ARMC5: variants seen among roughly 807,000 people sequenced by gnomAD.
The protein encoded by ARMC5 is armadillo repeat containing 5.
Under a neutral mutation model 60.5 loss-of-function variants are expected in ARMC5, and 28 were observed. The ratio of observed to expected loss-of-function variants is 0.46; its 90% CI spans 0.34 to 0.63. ARMC5 has a LOEUF of 0.63. Among genes scored for constraint, ARMC5 ranks in the 30% least tolerant of loss-of-function variants. The pLI is 0.01. For synonymous variants in ARMC5, 680 were observed against 607.3 expected, an observed-to-expected ratio of 1.12 and a Z score of -1.76; for missense variants, 1,189 against 1,304.9, an observed-to-expected ratio of 0.91 and a Z score of 1.37.
At chr16:31,460,075 G>A (rs978336112) in intron 1 of ARMC5, 76 bp downstream of exon 1, 4 of 1,468,856 alleles carry the variant, frequency 2.7e-6, no homozygotes, top group South Asian at 2.4e-5. Context: ...GCAGTCTGGA[G>A]TTCTTTGTGT....
intron 3 of ARMC5, among the ~76,000 whole-genome samples, chr16:31,463,392 C>G (rs2082322060): frequency 6.6e-6 from 1 of 152,212 alleles, no homozygotes; most frequent in African/African-American, 2.4e-5. Context: ...AGCCACTGCA[C>G]TGGCTGGATC....
upstream of ARMC5, chr16:31,458,734 C>T (rs2082268904): frequency 6.8e-7 from 1 of 1,474,774 alleles, no homozygotes; most frequent in African/African-American, 1.4e-5. Flanking sequence ...CAGGGGTGAC[C>T]TGGGGGCTCC....
At chr16:31,461,164 A>G (rs1475555850) in intron 1 of ARMC5, among the ~76,000 whole-genome samples, 2 of 152,148 alleles carry the variant, frequency 1.3e-5, no homozygotes, top group Non-Finnish European at 2.9e-5. Context: ...TGATGCCAGT[A>G]GCTGGGTTGG....
At position 31,462,774 on chromosome 16, in the gene ARMC5, T is replaced by C. The variant is rs955713891; in HGVS notation, c.1227T>C (p.Ala409=). The C allele has an allele frequency of 3.7e-6, 6 of 1,613,854 alleles. No individual in the cohort carries two copies. The African/African-American group carries it at 8.0e-5, about 22-fold the overall frequency. The change falls in exon 3 of 6, where the codon GCT becomes GCC. Residue 409 remains alanine, a synonymous_variant. Coordinates refer to ENST00000268314, the MANE Select transcript of ARMC5 (RefSeq NM_001105247.2). This position sits in a 1 kb window ranked among gnomAD's most constrained non-coding sequence, Gnocchi z 7.2. ...YDTGALGRLQ[A]LGLVPLLAGQ... ...CTGGGGCCCTGGGCCGGCTGCAGGC[T>C]CTGGGACTTGTGCCTCTCCTGGCTG...
Position 31,464,690 on chromosome 16 carries a change from C to T in ARMC5, c.1667C>T (p.Thr556Ile), listed in dbSNP as rs748604043. The part of the protein sequence containing the change: ...PALYGLLTYV[T>I]GAPGPPSPRA... Reference sequence around the variant, plus strand: ...CTGTACGGCCTGCTGACCTATGTGACCGGCGCACCGGGCCCGCCCAGCCCA... The same window carrying T: ...CTGTACGGCCTGCTGACCTATGTGATCGGCGCACCGGGCCCGCCCAGCCCA... The change falls in exon 4 of 6, where the codon ACC becomes ATC. Residue 556 changes from threonine (T) to isoleucine (I), a missense_variant. Coordinates refer to ENST00000268314, the MANE Select transcript of ARMC5 (RefSeq NM_001105247.2). The surrounding 1 kb of genome is among the most constrained non-coding windows in gnomAD (Gnocchi z 7.6). The T allele has an allele frequency of 2.5e-6, 4 of 1,598,580 alleles. No homozygotes were observed. The highest frequency in any genetic ancestry group is 3.4e-6 in the Non-Finnish European group (4 of 1,179,056).
chr16:31,459,942 T>C lies in ARMC5; in HGVS notation c.418T>C (p.Cys140Arg). The change falls in exon 1 of 6, where the codon TGT becomes CGT. Residue 140 changes from cysteine to arginine, a missense_variant. Cys to Arg is a radical substitution (Grantham distance 180). Around this residue, in one of 2 missense-constraint regions of ARMC5, gnomAD observed 327 missense variants for 233.7 expected, o/e 1.40. Coordinates refer to ENST00000268314, the MANE Select transcript of ARMC5 (RefSeq NM_001105247.2). The stretch of plus-strand genomic sequence containing the variant: ...GGCGCTCAGCATCCTAGCCGATTGC[T>C]GTACGGAAGGGGCGTGCCGGACCGA... The part of the protein sequence containing the change: ...DLALSILADC[C>R]TEGACRTEVR... 1 of 1,604,432 alleles carries C rather than the reference T, an allele frequency of 6.2e-7. No individual in the cohort carries two copies. Among genetic ancestry groups the C allele is most frequent in the Non-Finnish European group, 8.5e-7 (1 of 1,179,580 alleles).
chr16:31,462,250 C>G lies in ARMC5; in HGVS notation c.703C>G (p.Gln235Glu). ...ACCCCAGCACCGCCTGGCCTTGGCA[C>G]AGCAGGGAGCAGTGCGTCCGCTGGC... ...DSPQHRLALA[Q>E]QGAVRPLAEL... The change falls in exon 3 of 6, where the codon CAG (glutamine) becomes GAG (glutamate). Residue 235 changes from glutamine to glutamate, a missense_variant. Around this residue, in one of 2 missense-constraint regions of ARMC5, gnomAD observed 862 missense variants for 1,071.2 expected, o/e 0.80. Coordinates refer to ENST00000268314, the MANE Select transcript of ARMC5 (RefSeq NM_001105247.2). This position sits in a 1 kb window ranked among gnomAD's most constrained non-coding sequence, Gnocchi z 7.2. 6.2e-7 allele frequency: 1 copy of G among 1,609,966 alleles called. No individual in the cohort carries two copies. Among genetic ancestry groups the G allele is most frequent in the East Asian group, 2.2e-5 (1 of 44,876 alleles).
rs537788230 is a variant in ARMC5 at position 31,464,292 on chromosome 16, T to TAA, written c.1371-79_1371-78dup. On this transcript the variant is annotated intron_variant, in intron 3 of 5. Transcript: ENST00000268314. This position sits in a 1 kb window ranked among gnomAD's most constrained non-coding sequence, Gnocchi z 7.6. Reference sequence around the variant, plus strand: ...GCTATAGAGGGATACCACATTTCTTTAAAAAAAAAAAAAAAAAAAAAAAAG... The same window carrying TAA: ...GCTATAGAGGGATACCACATTTCTTTAAAAAAAAAAAAAAAAAAAAAAAAAAG... The TAA allele has an allele frequency of 2.0e-3, 1,013 of 498,660 alleles. No homozygotes were observed. Among genetic ancestry groups the TAA allele is most frequent in the South Asian group, 8.5e-3 (167 of 19,744 alleles). The allele number at this position is 498,660 out of a possible 1,614,324, so 30.9% of individuals were successfully genotyped here.
chr16:31,464,872 C>CG lies in ARMC5; in HGVS notation c.1851dup (p.His618AlafsTer17). ...ACGTGCCCGGCCCACTCTCCACAGC[C>CG]GGCACCGAGAGCTGGGTGAGTTCCC... On this transcript the variant is annotated frameshift_variant, in exon 4 of 6. Transcript: ENST00000268314. LOFTEE classifies it high-confidence loss of function. The surrounding 1 kb of genome is among the most constrained non-coding windows in gnomAD (Gnocchi z 7.6). 6.2e-7 allele frequency: 1 copy of CG among 1,601,886 alleles called. No individual in the cohort carries two copies. The highest frequency in any genetic ancestry group is 1.3e-5 in the African/African-American group (1 of 75,014).
In ARMC5 at chr16:31,464,172, G is replaced by A. The variant is rs2082328579; in HGVS notation, c.1371-222G>A. ...TGAGTGTGGTGCACACAGCTGTAGT[G>A]CCAGCTACTTGGGAGGCTGAGGTGG... On this transcript the variant is annotated intron_variant, in intron 3 of 5. Transcript: ENST00000268314. This position sits in a 1 kb window ranked among gnomAD's most constrained non-coding sequence, Gnocchi z 7.6. 6.6e-6 allele frequency among the ~76,000 whole-genome samples: 1 copy of A among 151,770 alleles called. No individual in the cohort carries two copies. The highest frequency in any genetic ancestry group is 2.1e-4 in the South Asian group (1 of 4,824).
Position 31,459,974 on chromosome 16 carries a change from C to T in ARMC5, c.450C>T (p.Arg150=). ...AAGGGGCGTGCCGGACCGAAGTGCGCAGACTCGGAGGCATACTCCCTTTGG... is the reference window on the plus strand; with the variant it reads ...AAGGGGCGTGCCGGACCGAAGTGCGTAGACTCGGAGGCATACTCCCTTTGG... ...CTEGACRTEV[R]RLGGILPLVT... is the part of the protein sequence containing the mutation. Residue 150 remains arginine (R), a synonymous_variant, in exon 1 of 6, where the codon CGC becomes CGT. Coordinates refer to ENST00000268314, the MANE Select transcript of ARMC5 (RefSeq NM_001105247.2). 6.2e-7 allele frequency: 1 copy of T among 1,600,020 alleles called. No individual in the cohort carries two copies. Among genetic ancestry groups the T allele is most frequent in the Non-Finnish European group, 8.5e-7 (1 of 1,179,066 alleles).
In ARMC5 at chr16:31,465,902, T is replaced by TG; in HGVS notation, c.1921dup (p.Ala641GlyfsTer12). 6.2e-7 allele frequency: 1 copy of TG among 1,609,146 alleles called. No individual in the cohort carries two copies. The highest frequency in any genetic ancestry group is 8.5e-7 in the Non-Finnish European group (1 of 1,179,838). Reference sequence around the variant, plus strand: ...TTCAGGCTGAGTCGCCCTTTGGGGTTGGGGCCCTGACGCACCTGCTGCTCT... The same window carrying TG: ...TTCAGGCTGAGTCGCCCTTTGGGGTTGGGGGCCCTGACGCACCTGCTGCTCT... On this transcript the variant is annotated frameshift_variant, in exon 5 of 6. Coordinates refer to ENST00000268314, the MANE Select transcript of ARMC5 (RefSeq NM_001105247.2). LOFTEE classifies it high-confidence loss of function.
In ARMC5 at chr16:31,464,856, G is replaced by A. The variant is rs778532194; in HGVS notation, c.1833G>A (p.Arg611=). ...APDDWPAPRA[R]PTLHSRHREL... is the part of the protein sequence containing the mutation. ...ACGATTGGCCGGCACCACGTGCCCG[G>A]CCCACTCTCCACAGCCGGCACCGAG... Residue 611 remains arginine (R), a synonymous_variant, in exon 4 of 6, where the codon CGG becomes CGA. Transcript: ENST00000268314. The surrounding 1 kb of genome is among the most constrained non-coding windows in gnomAD (Gnocchi z 7.6). 1.9e-6 allele frequency: 3 copies of A among 1,599,370 alleles called. No individual in the cohort carries two copies. Among genetic ancestry groups the A allele is most frequent in the South Asian group, 2.2e-5 (2 of 90,880 alleles).
rs762622578 is a variant in ARMC5 at position 31,459,718 on chromosome 16, G to A, written c.194G>A (p.Gly65Asp). The A allele has an allele frequency of 7.1e-6, 11 of 1,558,204 alleles. No individual in the cohort carries two copies. The South Asian group carries it at 1.2e-4, about 17-fold the overall frequency. The change falls in exon 1 of 6, where the codon GGC (glycine) becomes GAC (aspartate). Residue 65 changes from glycine to aspartate, a missense_variant. This residue lies in a region of ARMC5 where 327 missense variants were observed against 233.7 expected (regional missense o/e 1.40). Transcript: ENST00000268314. ...GGAATCGAGCGCTTCCGGGCACGCG[G>A]CGGGCTCCGCCCCCTACTCGCGCTG... ...AGGIERFRAR[G>D]GLRPLLALLR...
Position 31,462,440 on chromosome 16 carries a change from G to A in ARMC5, c.893G>A (p.Arg298His). The change falls in exon 3 of 6, where the codon CGC (arginine) becomes CAC (histidine). Residue 298 changes from arginine (R) to histidine (H), a missense_variant. By Grantham distance (29) the Arg-to-His change is conservative. This residue lies in a region of ARMC5 where 862 missense variants were observed against 1,071.2 expected (regional missense o/e 0.80). Transcript: ENST00000268314. This position sits in a 1 kb window ranked among gnomAD's most constrained non-coding sequence, Gnocchi z 7.2. ...SLASHPKRAV[R>H]EGTILILANL... ...GCTTCCCACCCCAAGCGGGCAGTAC[G>A]CGAGGGAACCATTCTGATCCTCGCC... is the stretch of plus-strand genomic sequence containing the variant. 1.4e-5 allele frequency: 22 copies of A among 1,612,580 alleles called. No individual in the cohort carries two copies. Among genetic ancestry groups the A allele is most frequent in the Non-Finnish European group, 1.7e-5 (20 of 1,179,492 alleles).
rs755022816 is a variant in ARMC5 at position 31,464,848 on chromosome 16, C to T, written c.1825C>T (p.Arg609Cys). Reference sequence around the variant, plus strand: ...GGCGCCTGACGATTGGCCGGCACCACGTGCCCGGCCCACTCTCCACAGCCG... The same window carrying T: ...GGCGCCTGACGATTGGCCGGCACCATGTGCCCGGCCCACTCTCCACAGCCG... ...GVAPDDWPAP[R>C]ARPTLHSRHR... Residue 609 changes from arginine (R) to cysteine (C), a missense_variant, in exon 4 of 6, where the codon CGT becomes TGT. Arg to Cys is a radical substitution (Grantham distance 180). Transcript: ENST00000268314. This position sits in a 1 kb window ranked among gnomAD's most constrained non-coding sequence, Gnocchi z 7.6. The T allele has an allele frequency of 4.2e-5, 67 of 1,598,134 alleles. No individual in the cohort carries two copies. Among genetic ancestry groups the T allele is most frequent in the African/African-American group, 1.7e-4 (13 of 74,798 alleles).
Position 31,465,936 on chromosome 16 carries a change from C to A in ARMC5, c.1951C>A (p.Pro651Thr), listed in dbSNP as rs1179180726. ...ALTHLLLSGS[P>T]EDRVACALTL... ...GACGCACCTGCTGCTCTCTGGGAGCCCTGAGGACCGAGTGGCCTGCGCGCT... is the reference window on the plus strand; with the variant it reads ...GACGCACCTGCTGCTCTCTGGGAGCACTGAGGACCGAGTGGCCTGCGCGCT... The change falls in exon 5 of 6, where the codon CCT becomes ACT. Residue 651 changes from proline to threonine, a missense_variant. Coordinates refer to ENST00000268314, the MANE Select transcript of ARMC5 (RefSeq NM_001105247.2). 7 of 1,607,398 alleles carry A rather than the reference C, an allele frequency of 4.4e-6. No homozygotes were observed. The highest frequency in any genetic ancestry group is 5.9e-6 in the Non-Finnish European group (7 of 1,179,806).
At chr16:31,465,519 T>C in intron 4 of ARMC5, 1 of 839,790 alleles carries the variant, frequency 1.2e-6, no homozygotes, top group South Asian at 2.7e-5. Context: ...ATGATATTCA[T>C]ATATCTCTAA....
Position 31,467,056 on chromosome 16 carries a change from C to A in ARMC5, c.*167C>A. ...GATCTAAAGACCCGGGAGCGAGAAG[C>A]CAAGGCCAGGTTCTGGGTGTAGGGC... is the stretch of plus-strand genomic sequence containing the variant. On this transcript the variant is annotated 3_prime_UTR_variant, in exon 6 of 6. Coordinates refer to ENST00000268314, the MANE Select transcript of ARMC5 (RefSeq NM_001105247.2). The A allele has an allele frequency of 1.1e-6, 1 of 942,010 alleles. No homozygotes were observed. The highest frequency in any genetic ancestry group is 1.5e-6 in the Non-Finnish European group (1 of 681,616). The allele number at this position is 942,010 out of a possible 1,614,324, so 58.4% of individuals were successfully genotyped here.
Sources: gnomAD v4.1 joint callset for allele counts (sites outside exome capture counted in the v4.1 genomes callset) on GRCh38, gnomAD v4.1.1 for gene constraint, gnomAD v4.1.1 regional missense constraint, Gnocchi (gnomAD v3.1) non-coding constraint, MANE v1.5 for transcripts, NCBI Gene and HGNC (gene_info 2026-07-23, HGNC 2026-07-21) for gene names.